Variants in CLEC6A observed in about 807,000 individuals in gnomAD.
CLEC6A encodes the protein C-type lectin domain containing 6A.
CLEC6A carries 22 observed loss-of-function variants against 25.7 expected under a neutral mutation model. The observed-to-expected ratio is 0.85, with a 90% CI of 0.61 to 1.22. The LOEUF (loss-of-function observed/expected upper bound fraction) is 1.22, where lower values mean the gene tolerates loss of function less well. Among genes scored for constraint, CLEC6A ranks in the 50% most tolerant of loss-of-function variants. CLEC6A has a pLI of 0.00. For missense variants in CLEC6A, 240 were observed against 236.8 expected (o/e 1.01, Z -0.09); for synonymous variants, 92 against 76.7 (o/e 1.20, Z -1.04).
At chr12:8,472,475 G>C (rs1362137179) in intron 4 of CLEC6A, among the ~76,000 whole-genome samples, 1 of 152,174 alleles carries the variant, frequency 6.6e-6, no homozygotes, top group Non-Finnish European at 1.5e-5. Context: ...TTCCAAGAGA[G>C]ATGCTTAGAG....
At chr12:8,465,707 G>C in intron 4 of CLEC6A, 78 bp downstream of exon 4, 1 of 1,306,388 alleles carries the variant, frequency 7.7e-7, no homozygotes, top group Non-Finnish European at 1.1e-6. Context: ...CCATTTTTCA[G>C]TGTACTGTTC....
chr12:8,470,665 T>C (rs4438120), intron 4 of CLEC6A, among the ~76,000 whole-genome samples: 117,559 of 152,078 alleles, frequency 0.77, 45,898 homozygotes, highest in East Asian at 0.99. Context: ...CCAAACATCG[T>C]ATATTCTCAC....
At chr12:8,465,413 C>T in intron 3 of CLEC6A, 71 bp from the exon 4 acceptor site, 1 of 1,431,832 alleles carries the variant, frequency 7.0e-7, no homozygotes, top group Non-Finnish European at 9.7e-7. Flanking sequence ...CTCTACAAAG[C>T]AATTGCAGAT....
chr12:8,472,803 T>C (rs1939923768), intron 4 of CLEC6A, among the ~76,000 whole-genome samples: 1 of 152,148 alleles, frequency 6.6e-6, no homozygotes, highest in Admixed American at 6.5e-5. Context: ...GTTTGTTATA[T>C]GGGTATATTG....
At position 8,456,985 on chromosome 12, in the gene CLEC6A, C is replaced by G. The variant is rs755885018; in HGVS notation, c.31+843C>G. On this transcript the variant is annotated intron_variant, in intron 1 of 5. Transcript: ENST00000382073. ...CTTAGCTGGGCATGGTGGCATGCAC[C>G]TGTAATCCTAGCCACTCAGGAGGCT... Among the ~76,000 whole-genome samples the G allele has an allele frequency of 2.6e-5, 4 of 152,064 alleles. No homozygotes were observed. The South Asian group carries it at 8.3e-4, about 32-fold the overall frequency.
rs1287395298 is a variant in CLEC6A, at chr12:8,472,833, G to A, written c.370-3292G>A. 3.9e-5 allele frequency among the ~76,000 whole-genome samples: 6 copies of A among 152,028 alleles called. No homozygotes were observed. In the East Asian group the frequency reaches 9.6e-4, roughly 24 times the overall value. ...ATATTGCACAATGCTGAGGTTTGGG[G>A]TACAACTGATCCTGTTACCCAGGTC... On this transcript the variant is annotated intron_variant, in intron 4 of 5. Coordinates refer to ENST00000382073, the MANE Select transcript of CLEC6A (RefSeq NM_001007033.2).
chr12:8,470,405 C>G (rs1042256279), intron 4 of CLEC6A, among the ~76,000 whole-genome samples: 1 of 152,148 alleles, frequency 6.6e-6, no homozygotes, highest in African/African-American at 2.4e-5. Context: ...GCAGAATTAC[C>G]TTTGATCCAG....
intron 3 of CLEC6A, among the ~76,000 whole-genome samples, chr12:8,464,627 T>C (rs536564809): frequency 1.1e-3 from 160 of 152,338 alleles, no homozygotes; most frequent in Admixed American, 2.0e-3. Flanking sequence ...CCACTGCGCC[T>C]GGCCTAAAAT....
intron 3 of CLEC6A, among the ~76,000 whole-genome samples, chr12:8,460,178 AT>A (rs1939734046): frequency 6.6e-6 from 1 of 152,120 alleles, no homozygotes; most frequent in African/African-American, 2.4e-5. Context: ...TGAATTTAGG[AT>A]TATGGTTGGT....
chr12:8,460,689 G>T (rs1043319386), intron 3 of CLEC6A: 19 of 1,497,872 alleles, frequency 1.3e-5, no homozygotes, highest in Middle Eastern at 4.0e-4. Context: ...TTCTTCTGAG[G>T]GTCCGCTGCT....
In CLEC6A at chr12:8,459,629, A is replaced by C. The variant is rs796098130; in HGVS notation, c.154A>C (p.Lys52Gln). 1 of 1,612,494 alleles carries C rather than the reference A, an allele frequency of 6.2e-7. No homozygotes were observed. Among genetic ancestry groups the C allele is most frequent in the Non-Finnish European group, 8.5e-7 (1 of 1,178,614 alleles). The change falls in exon 3 of 6, where the codon AAA becomes CAA. Residue 52 changes from lysine (K) to glutamine (Q), a missense_variant. By Grantham distance (53) the Lys-to-Gln change is moderately conservative (BLOSUM62 1). Transcript: ENST00000382073. ...CCATTTTACATATGGTGAAACTGGC[A>C]AAAGGCTGTCTGAACTACACTCATA... is the stretch of plus-strand genomic sequence containing the variant. ...TYHFTYGETG[K>Q]RLSELHSYHS...
Position 8,465,606 on chromosome 12 carries a change from G to A in CLEC6A, c.346G>A (p.Val116Met), listed in dbSNP as rs1402780739. 1 of 1,613,602 alleles carries A rather than the reference G, an allele frequency of 6.2e-7. No homozygotes were observed. Among genetic ancestry groups the A allele is most frequent in the African/African-American group, 1.3e-5 (1 of 74,882 alleles). Residue 116 changes from valine to methionine, a missense_variant, in exon 4 of 6, where the codon GTG becomes ATG. Coordinates refer to ENST00000382073, the MANE Select transcript of CLEC6A (RefSeq NM_001007033.2). The part of the protein sequence containing the change: ...NCVEMGAHLV[V>M]FNTEAEQNFI... ...TGTTGAGATGGGAGCACATTTGGTT[G>A]TGTTCAACACAGAAGCAGAGCAGGT...
At chr12:8,463,465 C>T (rs1358869586) in intron 3 of CLEC6A, among the ~76,000 whole-genome samples, 3 of 152,130 alleles carry the variant, frequency 2.0e-5, no homozygotes, top group Non-Finnish European at 2.9e-5. Flanking sequence ...ACTGAAAAAT[C>T]TTGCTCACTA....
intron 4 of CLEC6A, among the ~76,000 whole-genome samples, chr12:8,472,892 C>A (rs917927284): frequency 3.3e-5 from 5 of 152,000 alleles, no homozygotes; most frequent in African/African-American, 1.2e-4. Flanking sequence ...GTATTTCAAC[C>A]ATTACCCCAT....
At chr12:8,469,334 A>C (rs1226387599) in intron 4 of CLEC6A, among the ~76,000 whole-genome samples, 1 of 152,214 alleles carries the variant, frequency 6.6e-6, no homozygotes, top group Non-Finnish European at 1.5e-5. Context: ...GATTAGAATC[A>C]ATATTGTTAA....
intron 4 of CLEC6A, among the ~76,000 whole-genome samples, chr12:8,470,319 CT>C (rs1565483850): frequency 6.6e-6 from 1 of 152,066 alleles, no homozygotes; most frequent in Non-Finnish European, 1.5e-5. Context: ...AAAGGGAATA[CT>C]TTTACTGTTG....
At chr12:8,475,289 A>G (rs1939958169) in intron 4 of CLEC6A, among the ~76,000 whole-genome samples, 1 of 152,122 alleles carries the variant, frequency 6.6e-6, no homozygotes, top group South Asian at 2.1e-4. Context: ...AATATGGAAC[A>G]CATCTTAGCA....
chr12:8,463,038 G>T (rs1479089178), intron 3 of CLEC6A, among the ~76,000 whole-genome samples: 2 of 152,130 alleles, frequency 1.3e-5, no homozygotes, highest in Non-Finnish European at 2.9e-5. Flanking sequence ...CTATTACAAA[G>T]TGTTAACCCC....
chr12:8,462,171 C>A (rs1333414148), intron 3 of CLEC6A, among the ~76,000 whole-genome samples: 1 of 151,592 alleles, frequency 6.6e-6, no homozygotes, highest in Admixed American at 6.6e-5. Flanking sequence ...GCAGCATGCT[C>A]CTTAAGAGTC....
Sources: gnomAD v4.1 joint callset for allele counts (sites outside exome capture counted in the v4.1 genomes callset) on GRCh38, gnomAD v4.1.1 for gene constraint, MANE v1.5 for transcripts, NCBI Gene and HGNC (gene_info 2026-07-23, HGNC 2026-07-21) for gene names.